Variants in NBEA observed in about 807,000 individuals in gnomAD.
NBEA encodes the protein lysosomal-trafficking regulator 2.
In NBEA, 44 loss-of-function variants were observed where a neutral mutation model predicts 343.4. The observed-to-expected ratio is 0.13, with a 90% CI of 0.10 to 0.16. The LOEUF is 0.16. Ranked by LOEUF, NBEA falls within the 10% of genes least tolerant of loss-of-function variation. NBEA has a pLI of 1.00. For missense variants in NBEA, 2,555 were observed against 3,631.3 expected, an observed-to-expected ratio of 0.70 and a Z score of 7.62; for synonymous variants, 1,175 against 1,238.7, an observed-to-expected ratio of 0.95 and a Z score of 1.08.
chr13:35,544,419 G>A (rs1359609601), intron 41 of NBEA, among the ~76,000 whole-genome samples: 1 of 152,060 alleles, frequency 6.6e-6, no homozygotes, highest in Non-Finnish European at 1.5e-5. Flanking sequence ...AGAAAAAAAG[G>A]TGAAACTTTT....
At chr13:35,261,128 A>G (rs2033171506) in intron 34 of NBEA, among the ~76,000 whole-genome samples, 1 of 152,204 alleles carries the variant, frequency 6.6e-6, no homozygotes, top group Admixed American at 6.5e-5. Flanking sequence ...ACTGAAAGGA[A>G]AGTCAGTTGT....
chr13:35,009,770 T>C lies in NBEA; in HGVS notation c.295-31163T>C, dbSNP rs189206862. On this transcript the variant is annotated intron_variant, in intron 1 of 58. Coordinates refer to ENST00000379939, the MANE Select transcript of NBEA (RefSeq NM_001385012.1). ...TGGATGCAGAGACACCACCTGGAGA[T>C]TTTTTCAGTAACACAGACAAGGGAG... Among the ~76,000 whole-genome samples the C allele has an allele frequency of 2.6e-5, 4 of 152,142 alleles. No homozygotes were observed. The East Asian group carries it at 7.7e-4, about 29-fold the overall frequency.
intron 33 of NBEA, among the ~76,000 whole-genome samples, chr13:35,224,774 T>G (rs1304135404): frequency 1.3e-5 from 2 of 152,150 alleles, no homozygotes; most frequent in African/African-American, 4.8e-5. Flanking sequence ...CTCTGGCTTT[T>G]TTTGTTTGTT....
chr13:35,665,244 A>T (rs891310414), intron 56 of NBEA, 58 bp downstream of exon 56: 1 of 1,344,220 alleles, frequency 7.4e-7, no homozygotes, highest in Non-Finnish European at 1.0e-6. Context: ...TCTCACACTA[A>T]GCGTGATTGT....
intron 13 of NBEA, among the ~76,000 whole-genome samples, chr13:35,116,358 G>A (rs1004079085): frequency 8.6e-5 from 13 of 151,944 alleles, no homozygotes; most frequent in Non-Finnish European, 5.9e-5. Context: ...ATGATAATTC[G>A]TTAAGTTGTT....
intron 32 of NBEA, among the ~76,000 whole-genome samples, 155 bp downstream of exon 32, chr13:35,209,009 G>T (rs1279723535): frequency 2.0e-5 from 3 of 152,068 alleles, no homozygotes; most frequent in African/African-American, 7.2e-5. Context: ...TTTAGAATTT[G>T]TCTGTAGTTG....
chr13:35,454,690 C>T (rs1016457557), intron 40 of NBEA, among the ~76,000 whole-genome samples: 2 of 151,986 alleles, frequency 1.3e-5, no homozygotes, highest in African/African-American at 2.4e-5. Context: ...GAAACCCCGT[C>T]TCTACTAAAA....
chr13:35,404,651 C>CTAAA (rs938551584), intron 38 of NBEA, among the ~76,000 whole-genome samples: 4 of 146,780 alleles, frequency 2.7e-5, no homozygotes, highest in Non-Finnish European at 6.0e-5. Flanking sequence ...ATACCTAATG[C>CTAAA]TAAATGACGA....
chr13:35,669,742 G>A (rs1452589731), intron 58 of NBEA, among the ~76,000 whole-genome samples: 4 of 152,162 alleles, frequency 2.6e-5, no homozygotes, highest in Non-Finnish European at 5.9e-5. Context: ...ATCATAGGTT[G>A]AGTGCAGTGC....
intron 1 of NBEA, among the ~76,000 whole-genome samples, chr13:34,966,076 A>G (rs553245392): frequency 5.2e-4 from 79 of 152,176 alleles, no homozygotes; most frequent in South Asian, 3.7e-3. Context: ...GGAAAAAGGA[A>G]ATATGGTATT....
At chr13:35,346,595 T>G (rs2039890950) in intron 36 of NBEA, among the ~76,000 whole-genome samples, 1 of 152,124 alleles carries the variant, frequency 6.6e-6, no homozygotes, top group African/African-American at 2.4e-5. Flanking sequence ...TAATTTGTGT[T>G]GTGGTTAACT....
intron 45 of NBEA, among the ~76,000 whole-genome samples, chr13:35,570,785 A>C (rs549503627): frequency 6.6e-6 from 1 of 152,300 alleles, no homozygotes; most frequent in Non-Finnish European, 1.5e-5. Context: ...AATAAACAAG[A>C]TTTTAATGTA....
At chr13:35,572,717 TTGTTG>T (rs1479590340) in intron 45 of NBEA, among the ~76,000 whole-genome samples, 9 of 4,264 alleles carry the variant, frequency 2.1e-3, no homozygotes, top group Admixed American at 0.019. Context: ...GTTGGGTTTG[TTGTTG>T]TTGTTGTTGT....
chr13:35,303,618 C>T (rs2036695604), intron 35 of NBEA, among the ~76,000 whole-genome samples: 2 of 152,116 alleles, frequency 1.3e-5, no homozygotes, highest in African/African-American at 4.8e-5. Context: ...ACTTTTTACT[C>T]TTTTTCTGAA....
At chr13:35,362,411 T>G (rs2040859519) in intron 38 of NBEA, among the ~76,000 whole-genome samples, 2 of 151,982 alleles carry the variant, frequency 1.3e-5, no homozygotes, top group South Asian at 4.1e-4. Flanking sequence ...TAATAAAGAT[T>G]ATGAATTATT....
intron 38 of NBEA, among the ~76,000 whole-genome samples, chr13:35,414,789 C>A (rs1316082290): frequency 2.6e-5 from 4 of 152,154 alleles, no homozygotes; most frequent in African/African-American, 7.2e-5. Flanking sequence ...AGTTCTAGAT[C>A]CCTGAGGAAT....
In NBEA at chr13:35,118,034, G is replaced by C. The variant is rs140147515; in HGVS notation, c.2083-194G>C. On this transcript the variant is annotated intron_variant, in intron 14 of 58. Coordinates refer to ENST00000379939, the MANE Select transcript of NBEA (RefSeq NM_001385012.1). ...CAAATACTAATGACTTTTAAAAATT[G>C]ATATAATTTTCTAAATATTTACTTA... is the stretch of plus-strand genomic sequence containing the variant. Among the ~76,000 whole-genome samples, 134 of 151,904 alleles carry C rather than the reference G, an allele frequency of 8.8e-4. 1 individual carries two copies. Among genetic ancestry groups the C allele is most frequent in the African/African-American group, 2.5e-3 (105 of 41,498 alleles).
At chr13:35,483,866 GAC>G (rs149403978) in intron 41 of NBEA, among the ~76,000 whole-genome samples, 1 of 151,636 alleles carries the variant, frequency 6.6e-6, no homozygotes, top group African/African-American at 2.4e-5. Flanking sequence ...GCTGTGTACA[GAC>G]ACACACACAC....
intron 1 of NBEA, among the ~76,000 whole-genome samples, chr13:34,975,113 C>G (rs1023695987): frequency 9.2e-5 from 14 of 152,146 alleles, no homozygotes; most frequent in African/African-American, 3.4e-4. Context: ...GCACAAGACT[C>G]AAGCCTTTTA....
Sources: allele counts gnomAD v4.1 joint callset (sites outside exome capture counted in the v4.1 genomes callset), GRCh38; gene constraint gnomAD v4.1.1; transcripts MANE v1.5; gene names NCBI Gene and HGNC (gene_info 2026-07-23, HGNC 2026-07-21).